Variants in SRCAP observed in about 807,000 individuals in gnomAD.
The protein encoded by SRCAP is Snf2 related CREBBP activator protein, also known as chromatin remodeling protein SRCAP.
Under a neutral mutation model 263.1 loss-of-function variants are expected in SRCAP, and 46 were observed. The ratio of observed to expected loss-of-function variants is 0.17; its 90% confidence interval spans 0.14 to 0.22. The LOEUF is 0.22. Among genes scored for constraint, SRCAP ranks in the 10% least tolerant of loss-of-function variants. The pLI is 1.00. For missense variants in SRCAP, 3,695 were observed against 4,181.9 expected (o/e 0.88, Z 3.21); for synonymous variants, 1,813 against 1,662.1 (o/e 1.09, Z -2.21).
At position 30,722,556 on chromosome 16, in the gene SRCAP, A is replaced by T; in HGVS notation, c.3707-7A>T. The T allele has an allele frequency of 6.2e-7, 1 of 1,613,280 alleles. No individual in the cohort carries two copies. The highest frequency in any genetic ancestry group is 8.5e-7 in the Non-Finnish European group (1 of 1,179,544). On this transcript the variant is annotated splice_region_variant and splice_polypyrimidine_tract_variant and intron_variant, in intron 22 of 33. Coordinates refer to ENST00000262518, the MANE Select transcript of SRCAP (RefSeq NM_006662.3). ...TCTCTCTCTCTTTCTCTCTTCCCTT[A>T]ACCCAGGGAATGTGGTGCACCTCGT...
intron 4 of SRCAP, 69 bp downstream of exon 4, chr16:30,704,384 T>A (rs2052803326): frequency 1.3e-6 from 2 of 1,503,712 alleles, no homozygotes; most frequent in Non-Finnish European, 8.9e-7. Flanking sequence ...TCCTCTTGAG[T>A]ATTTTATGTT....
Position 30,733,077 on chromosome 16 carries a change from C to T in SRCAP, c.6128-203C>T, listed in dbSNP as rs990071225. Among the ~76,000 whole-genome samples the T allele has an allele frequency of 1.3e-5, 2 of 152,180 alleles. No homozygotes were observed. The highest frequency in any genetic ancestry group is 4.8e-5 in the African/African-American group (2 of 41,450). On this transcript the variant is annotated intron_variant, in intron 27 of 33. Transcript: ENST00000262518. The surrounding 1 kb of genome is among the most constrained non-coding windows in gnomAD (Gnocchi z 5.3). ...TCTTGAACTCCCGACTTAAAGTGAT[C>T]CACCTGCCTCAGCTTCTCAGAGTGC... is the stretch of plus-strand genomic sequence containing the variant.
At chr16:30,710,579 T>G (rs2052877584) in intron 8 of SRCAP, 175 bp from the exon 9 acceptor site, 5 of 810,060 alleles carry the variant, frequency 6.2e-6, no homozygotes, top group Non-Finnish European at 8.7e-6. Context: ...GGGGCCAGGA[T>G]TTGGTAGCTG....
rs1348454847 is a variant in SRCAP, at chr16:30,711,989, T to C, written c.1647T>C (p.Phe549=). 2 of 1,613,934 alleles carry C rather than the reference T, an allele frequency of 1.2e-6. No homozygotes were observed. The highest frequency in any genetic ancestry group is 2.2e-5 in the South Asian group (2 of 91,064). The change falls in exon 12 of 34, where the codon TTT becomes TTC. Residue 549 remains phenylalanine (F), a synonymous_variant. Transcript: ENST00000262518. ...ATGAAGAGGAGGAAGATGATGATTT[T>C]GGGGTGGAGTACTTGCTTGCCAGGG... ...QADEEEEDDD[F]GVEYLLARDE... is the part of the protein sequence containing the mutation.
Position 30,712,242 on chromosome 16 carries a change from C to G in SRCAP, c.1816-20C>G. Reference sequence around the variant, plus strand: ...AAATGCCTCATTTCCATTGTGTTACCTATATTTCCTCTCTGACAGGTAAAG... The same window carrying G: ...AAATGCCTCATTTCCATTGTGTTACGTATATTTCCTCTCTGACAGGTAAAG... On this transcript the variant is annotated intron_variant, in intron 12 of 33. Transcript: ENST00000262518. The G allele has an allele frequency of 1.3e-6, 2 of 1,593,622 alleles. No homozygotes were observed. Among genetic ancestry groups the G allele is most frequent in the Non-Finnish European group, 1.7e-6 (2 of 1,168,972 alleles).
intron 31 of SRCAP, 110 bp from the exon 32 acceptor site, chr16:30,736,090 G>A: frequency 1.5e-6 from 2 of 1,344,286 alleles, no homozygotes; most frequent in Non-Finnish European, 2.0e-6. Flanking sequence ...GAGTTCTGTT[G>A]CAAACCTAGT....
At chr16:30,736,129 C>T (rs1013049787) in intron 31 of SRCAP, 71 bp from the exon 32 acceptor site, 48 of 1,583,288 alleles carry the variant, frequency 3.0e-5, no homozygotes, top group Non-Finnish European at 3.8e-5. Context: ...CAAGTTCTTG[C>T]CTGAATCAAA....
In SRCAP at chr16:30,724,228, C is replaced by T. The variant is rs2053040264; in HGVS notation, c.4804C>T (p.Pro1602Ser). Residue 1602 changes from proline (P) to serine (S), a missense_variant, in exon 25 of 34, where the codon CCA becomes TCA. Physicochemically the swap from Pro to Ser is moderately conservative, Grantham distance 74. This residue lies in a region of SRCAP where 1,347 missense variants were observed against 1,304.4 expected (regional missense o/e 1.03). Transcript: ENST00000262518. ...APQTAILAPS[P>S]APPLAPLPVL... ...ACAGACAGCAATTCTGGCTCCTTCT[C>T]CAGCTCCTCCTCTGGCTCCTCTTCC... 1.2e-6 allele frequency: 2 copies of T among 1,614,066 alleles called. No homozygotes were observed. Among genetic ancestry groups the T allele is most frequent in the Non-Finnish European group, 8.5e-7 (1 of 1,179,990 alleles).
In SRCAP at chr16:30,733,134, C is replaced by T; in HGVS notation, c.6128-146C>T. On this transcript the variant is annotated intron_variant, in intron 27 of 33. Coordinates refer to ENST00000262518, the MANE Select transcript of SRCAP (RefSeq NM_006662.3). This position sits in a 1 kb window ranked among gnomAD's most constrained non-coding sequence, Gnocchi z 5.3. Reference sequence around the variant, plus strand: ...TACAGGTGTGAGCCACCATGCCCTGCCGTAGTTAAACATTTTTGATCTGCT... The same window carrying T: ...TACAGGTGTGAGCCACCATGCCCTGTCGTAGTTAAACATTTTTGATCTGCT... 1.1e-6 allele frequency: 1 copy of T among 874,840 alleles called. No homozygotes were observed. The highest frequency in any genetic ancestry group is 2.6e-5 in the East Asian group (1 of 39,058). 54.2% of individuals were successfully genotyped at this position (874,840 alleles called of 1,614,324 possible). A position where few individuals can be genotyped will look rare whatever the true frequency, so the allele number is the denominator to read the frequency against.
chr16:30,702,389 C>A (rs901137410), intron 3 of SRCAP, among the ~76,000 whole-genome samples: 1 of 151,962 alleles, frequency 6.6e-6, no homozygotes, highest in African/African-American at 2.4e-5. Context: ...TCCGCCACCA[C>A]GCCCAGCTAA....
intron 31 of SRCAP, among the ~76,000 whole-genome samples, chr16:30,735,178 G>A (rs1005467154): frequency 8.2e-6 from 1 of 122,154 alleles, no homozygotes; most frequent in South Asian, 2.5e-4. Context: ...ACGGAGTCTC[G>A]CTCTGTCGCC....
In SRCAP at chr16:30,731,961, A is replaced by G. The variant is rs553391487; in HGVS notation, c.6128-1319A>G. ...TGAGTTGGAGACCAGCCTGGGCAACATGGCGAAACCCTGTCTCTACAAAAA... is the reference window on the plus strand; with the variant it reads ...TGAGTTGGAGACCAGCCTGGGCAACGTGGCGAAACCCTGTCTCTACAAAAA... On this transcript the variant is annotated intron_variant, in intron 27 of 33. Transcript: ENST00000262518. 2.8e-3 allele frequency among the ~76,000 whole-genome samples: 431 copies of G among 152,248 alleles called. 1 individual carries two copies. The highest frequency in any genetic ancestry group is 5.2e-3 in the Admixed American group (79 of 15,296).
intron 16 of SRCAP, among the ~76,000 whole-genome samples, chr16:30,715,438 G>T (rs1198338677): frequency 6.6e-6 from 1 of 152,080 alleles, no homozygotes; most frequent in Non-Finnish European, 1.5e-5. Flanking sequence ...GGTGGCGGGT[G>T]CCTGTAGTCC....
intron 33 of SRCAP, among the ~76,000 whole-genome samples, 183 bp downstream of exon 33, chr16:30,736,807 G>A (rs2053164629): frequency 6.6e-6 from 1 of 152,062 alleles, no homozygotes; most frequent in Admixed American, 6.5e-5. Context: ...CGAGAAGCTG[G>A]GATTACAGGC....
At position 30,719,221 on chromosome 16, in the gene SRCAP, TA is replaced by T. The variant is rs1160243260; in HGVS notation, c.2818-940del. Among the ~76,000 whole-genome samples the T allele has an allele frequency of 1.0e-3, 11 of 10,668 alleles. No individual in the cohort carries two copies. In the Middle Eastern group the frequency reaches 0.12, roughly 121 times the overall value. 7.0% of individuals were successfully genotyped at this position (10,668 alleles called of 152,430 possible). On this transcript the variant is annotated intron_variant, in intron 18 of 33. Coordinates refer to ENST00000262518, the MANE Select transcript of SRCAP (RefSeq NM_006662.3). ...TATTATTTATTTATTTATTTATTTT[TA>T]TTTTTTTTTTTGAGATGGAGTCTCA...
At position 30,716,275 on chromosome 16, in the gene SRCAP, T is replaced by C; in HGVS notation, c.2631-18T>C. ...GGTGGCTGTTAGGACGTCTCATTTA[T>C]TTTTCCTCTTTCCCCAGAACTAAGG... is the stretch of plus-strand genomic sequence containing the variant. On this transcript the variant is annotated intron_variant, in intron 17 of 33. Transcript: ENST00000262518. 3.7e-6 allele frequency: 6 copies of C among 1,613,364 alleles called. No homozygotes were observed. Among genetic ancestry groups the C allele is most frequent in the Non-Finnish European group, 5.1e-6 (6 of 1,179,424 alleles).
chr16:30,733,764 C>T lies in SRCAP; in HGVS notation c.6460C>T (p.Arg2154Ter), dbSNP rs1172227775. 6.2e-7 allele frequency: 1 copy of T among 1,614,014 alleles called. No individual in the cohort carries two copies. ...TGCTCAGGCCCAGGACCGCTGTCAC[C>T]GAATTGGCCAGACCCGGGATGTCCA... ...MDAQAQDRCH[R>*]IGQTRDVHIY... Residue 2154 changes from arginine to a stop codon, truncating the protein, a stop_gained, in exon 29 of 34, where the codon CGA becomes TGA. Coordinates refer to ENST00000262518, the MANE Select transcript of SRCAP (RefSeq NM_006662.3). LOFTEE classifies it high-confidence loss of function. The surrounding 1 kb of genome is among the most constrained non-coding windows in gnomAD (Gnocchi z 5.3).
At chr16:30,707,774 G>A in intron 6 of SRCAP, 62 bp downstream of exon 6, 1 of 1,586,808 alleles carries the variant, frequency 6.3e-7, no homozygotes, top group South Asian at 1.1e-5. Context: ...TGGCGTGGTA[G>A]TAGGAATGAT....
chr16:30,736,434 C>G (rs1044763871), intron 32 of SRCAP, 40 bp downstream of exon 32: 2 of 1,605,136 alleles, frequency 1.2e-6, no homozygotes, highest in Non-Finnish European at 1.7e-6. Flanking sequence ...TTACTGCTTC[C>G]CCTGGGCTTG....
Sources: allele counts gnomAD v4.1 joint callset (sites outside exome capture counted in the v4.1 genomes callset), GRCh38; gene constraint gnomAD v4.1.1; regional missense constraint gnomAD v4.1.1; non-coding constraint Gnocchi (gnomAD v3.1); transcripts MANE v1.5; gene names NCBI Gene and HGNC (gene_info 2026-07-23, HGNC 2026-07-21).